The following NFATC1 variants were observed in gnomAD, a reference collection of about 807,000 sequenced individuals.
NFATC1 encodes nuclear factor of activated T cells 1.
NFATC1 carries 22 observed loss-of-function variants against 76.0 expected under a neutral mutation model. The observed-to-expected ratio is 0.29, with a 90% CI of 0.21 to 0.41. The LOEUF is 0.41. NFATC1 is among the 10% of genes least tolerant of loss of function. The pLI is 1.00. For synonymous variants in NFATC1, 704 were observed against 613.1 expected (o/e 1.15, Z -2.19); for missense variants, 1,357 against 1,337.7 (o/e 1.01, Z -0.23).
At chr18:79,517,601 G>T (rs989257514) in intron 9 of NFATC1, among the ~76,000 whole-genome samples, 2 of 152,186 alleles carry the variant, frequency 1.3e-5, no homozygotes, top group Non-Finnish European at 2.9e-5. Flanking sequence ...TTTGTTTCCT[G>T]TATTGCTTTA....
In NFATC1 at chr18:79,400,776, C is replaced by T. The variant is rs867379504; in HGVS notation, c.127+4425C>T. Among the ~76,000 whole-genome samples, 1,296 of 137,784 alleles carry T rather than the reference C, an allele frequency of 9.4e-3. 25 individuals carry two copies. Among genetic ancestry groups the T allele is most frequent in the African/African-American group, 0.036 (1,205 of 33,802 alleles). The allele number at this position is 137,784 out of a possible 152,430, so 90.4% of individuals were successfully genotyped here. ...CCAGAGGCGGAGAAGCCCCAGCTCC[C>T]CCAGACACCCTCTCCCCGCCCCGCG... On this transcript the variant is annotated intron_variant, in intron 1 of 9. Coordinates refer to ENST00000427363, the MANE Select transcript of NFATC1 (RefSeq NM_001278669.2).
chr18:79,449,093 G>A, intron 4 of NFATC1, 109 bp downstream of exon 4: 1 of 1,079,692 alleles, frequency 9.3e-7, no homozygotes, highest in Non-Finnish European at 1.3e-6. Flanking sequence ...AGGCTGCGTG[G>A]CCAGGACACT....
intron 9 of NFATC1, among the ~76,000 whole-genome samples, chr18:79,525,014 TTAC>T (rs2090720624): frequency 6.6e-6 from 1 of 151,288 alleles, no homozygotes; most frequent in Non-Finnish European, 1.5e-5. Flanking sequence ...CATCCCATCA[TTAC>T]TACCCCTCAG....
intron 8 of NFATC1, among the ~76,000 whole-genome samples, chr18:79,481,968 G>A (rs1170129977): frequency 1.0e-4 from 15 of 144,702 alleles, no homozygotes; most frequent in African/African-American, 4.0e-4. Context: ...CTGGTTCCTG[G>A]GGTGTCATTC....
chr18:79,475,372 T>C (rs1393906559), intron 8 of NFATC1, among the ~76,000 whole-genome samples: 1 of 139,264 alleles, frequency 7.2e-6, no homozygotes, highest in Non-Finnish European at 1.5e-5. Context: ...TCACGCTCAC[T>C]GTCGACGTTG....
At chr18:79,501,711 T>A (rs902781969) in intron 9 of NFATC1, among the ~76,000 whole-genome samples, 4 of 143,152 alleles carry the variant, frequency 2.8e-5, no homozygotes, top group Admixed American at 2.3e-4. Flanking sequence ...AAATAAATTA[T>A]GTCTATATGC....
chr18:79,515,714 C>T (rs1362201242), intron 9 of NFATC1: 4 of 152,134 alleles, frequency 2.6e-5, no homozygotes, highest in Admixed American at 2.0e-4. Flanking sequence ...GTTTCTGTAG[C>T]AGAGGGACAG....
rs532841478 is a variant in NFATC1 at position 79,422,935 on chromosome 18, G to A, written c.1227-10644G>A. On this transcript the variant is annotated intron_variant, in intron 2 of 9. Transcript: ENST00000427363. Reference sequence around the variant, plus strand: ...CTGGGCGAGGGCTGGGGGCTGCCTCGGGGGCGGGGGTTCAGGGTCTTGAGC... The same window carrying A: ...CTGGGCGAGGGCTGGGGGCTGCCTCAGGGGCGGGGGTTCAGGGTCTTGAGC... Among the ~76,000 whole-genome samples the A allele has an allele frequency of 4.6e-5, 7 of 152,012 alleles. No individual in the cohort carries two copies. In the South Asian group the frequency reaches 6.2e-4, roughly 14 times the overall value.
Position 79,526,554 on chromosome 18 carries a change from C to T in NFATC1, c.2783-974C>T, listed in dbSNP as rs138658419. ...CTTTGCTTGCCTGGGTCTCTGGCCC[C>T]GCAGAGCCTTGGGCGAGCCAGCCTC... On this transcript the variant is annotated intron_variant, in intron 9 of 9. Transcript: ENST00000427363. Among the ~76,000 whole-genome samples, 616 of 152,350 alleles carry T rather than the reference C, an allele frequency of 4.0e-3. 3 individuals carry two copies. The highest frequency in any genetic ancestry group is 0.012 in the African/African-American group (514 of 41,582).
chr18:79,469,341 G>A (rs563823649), intron 8 of NFATC1: 143 of 985,458 alleles, frequency 1.5e-4, no homozygotes, highest in Middle Eastern at 1.0e-3. Context: ...AGTCCCCACC[G>A]TGGGTTTGAG....
chr18:79,464,345 G>T (rs8084259), intron 7 of NFATC1, among the ~76,000 whole-genome samples: 59,425 of 151,724 alleles, frequency 0.39, 12,967 homozygotes, highest in African/African-American at 0.6. Context: ...TCCGCCCACC[G>T]TGGCCTCCCA....
intron 8 of NFATC1, among the ~76,000 whole-genome samples, chr18:79,480,812 C>T (rs545076734): frequency 1.3e-5 from 2 of 152,184 alleles, no homozygotes; most frequent in Non-Finnish European, 2.9e-5. Flanking sequence ...TTAAAGCGCT[C>T]GGGACACTTC....
In NFATC1 at chr18:79,410,633, A is replaced by G. The variant is rs756354611; in HGVS notation, c.358A>G (p.Ile120Val). The G allele has an allele frequency of 6.2e-7, 1 of 1,613,178 alleles. No homozygotes were observed. The change falls in exon 2 of 10, where the codon ATC becomes GTC. Residue 120 changes from isoleucine to valine, a missense_variant. Around this residue, in one of 3 missense-constraint regions of NFATC1, gnomAD observed 691 missense variants for 613.1 expected, o/e 1.13. Transcript: ENST00000427363. This position sits in a 1 kb window ranked among gnomAD's most constrained non-coding sequence, Gnocchi z 6.7. ...DGAPALESPR[I>V]EITSCLGLYH... is the part of the protein sequence containing the mutation. ...GGCCCCTGCCCTGGAGAGTCCTCGC[A>G]TCGAGATAACCTCGTGCTTGGGCCT...
intron 3 of NFATC1, among the ~76,000 whole-genome samples, chr18:79,438,262 CAT>C (rs1222833234): frequency 1.3e-5 from 2 of 152,276 alleles, no homozygotes; most frequent in Non-Finnish European, 2.9e-5. Flanking sequence ...GTGTTCCTCA[CAT>C]GAGTCAACCC....
chr18:79,498,938 A>T (rs1569034367), intron 9 of NFATC1, among the ~76,000 whole-genome samples: 1 of 152,370 alleles, frequency 6.6e-6, no homozygotes, highest in South Asian at 2.1e-4. Context: ...TTTAGAGATG[A>T]AGAAACAAAG....
intron 1 of NFATC1, chr18:79,400,565 C>T: frequency 8.4e-7 from 1 of 1,196,772 alleles, no homozygotes; most frequent in Non-Finnish European, 1.1e-6. Flanking sequence ...CTCGTCGCTC[C>T]CCGGGGACCC....
chr18:79,400,439 G>A, intron 1 of NFATC1: 1 of 1,493,690 alleles, frequency 6.7e-7, no homozygotes. Flanking sequence ...TCCTCTTCGA[G>A]TTTAACCAGC....
intron 1 of NFATC1, among the ~76,000 whole-genome samples, chr18:79,409,204 C>T (rs1195998675): frequency 6.8e-6 from 1 of 147,180 alleles, no homozygotes; most frequent in Admixed American, 6.9e-5. Flanking sequence ...TCCTCCATTC[C>T]CTATCCATCC....
chr18:79,462,263 G>T (rs918715213), intron 7 of NFATC1, among the ~76,000 whole-genome samples: 1 of 152,218 alleles, frequency 6.6e-6, no homozygotes, highest in Non-Finnish European at 1.5e-5. Flanking sequence ...TTCTTGGGTG[G>T]TGTCTTGGAT....
Sources: allele counts gnomAD v4.1 joint callset (sites outside exome capture counted in the v4.1 genomes callset), GRCh38; gene constraint gnomAD v4.1.1; regional missense constraint gnomAD v4.1.1; non-coding constraint Gnocchi (gnomAD v3.1); transcripts MANE v1.5; gene names NCBI Gene and HGNC (gene_info 2026-07-23, HGNC 2026-07-21).